Variants in KRT23 observed in about 807,000 individuals in gnomAD.
KRT23 encodes the protein keratin, type I cytoskeletal 23.
KRT23 carries 38 observed loss-of-function variants against 47.6 expected under a neutral mutation model. That is an observed-to-expected ratio of 0.80 (90% CI 0.62 to 1.05). The LOEUF (loss-of-function observed/expected upper bound fraction) is 1.05, where lower values mean the gene tolerates loss of function less well. Ranked by LOEUF, KRT23 falls within the 50% of genes least tolerant of loss-of-function variation. The pLI is 0.00. For missense variants in KRT23, 503 were observed against 529.5 expected, an observed-to-expected ratio of 0.95 and a Z score of 0.49; for synonymous variants, 191 against 199.0, an observed-to-expected ratio of 0.96 and a Z score of 0.34.
intron 3 of KRT23, among the ~76,000 whole-genome samples, chr17:40,931,003 T>C (rs1909626360): frequency 6.9e-6 from 1 of 145,146 alleles, no homozygotes; most frequent in African/African-American, 2.6e-5. Context: ...AATGGCAAGA[T>C]GAGTTTTCCT....
At chr17:40,935,543 C>T (rs866966398) in intron 2 of KRT23, among the ~76,000 whole-genome samples, 4 of 152,082 alleles carry the variant, frequency 2.6e-5, no homozygotes, top group Admixed American at 6.5e-5. Context: ...CTCTCAGATT[C>T]TAAAAATTAT....
Position 40,927,266 on chromosome 17 carries a change from C to T in KRT23, c.921+972G>A, listed in dbSNP as rs75365640. ...ATAAACTCCTTCATTAAAAAATCCT[C>T]AGTGCTAAGGATTGGTGTCAGATAG... On this transcript the variant is annotated intron_variant, in intron 6 of 8. Transcript: ENST00000209718. Among the ~76,000 whole-genome samples, 347 of 152,328 alleles carry T rather than the reference C, an allele frequency of 2.3e-3. 9 individuals carry two copies. In the East Asian group the frequency reaches 0.061, roughly 27 times the overall value.
intron 2 of KRT23, among the ~76,000 whole-genome samples, chr17:40,931,980 T>C (rs1909723338): frequency 6.6e-6 from 1 of 152,236 alleles, no homozygotes; most frequent in Non-Finnish European, 1.5e-5. Flanking sequence ...CAGGTGAACA[T>C]AATTCTTACT....
At chr17:40,935,234 T>C (rs543366097) in intron 2 of KRT23, among the ~76,000 whole-genome samples, 3 of 152,194 alleles carry the variant, frequency 2.0e-5, no homozygotes, top group Admixed American at 1.3e-4. Context: ...TTATCTTGAC[T>C]GGTCCTTCCT....
chr17:40,930,023 G>A lies in KRT23; in HGVS notation c.553C>T (p.Leu185=). ...VEGLRRTLDN[L]TIVTTDLEQE... is the part of the protein sequence containing the mutation. ...TCTAGGTCTGTTGTGACAATGGTCA[G>A]GTTGTCTAAGGTCCTTCGGAGGCCC... is the stretch of plus-strand genomic sequence containing the variant. The change falls in exon 4 of 9, where the codon CTG becomes TTG. Residue 185 remains leucine (L), a synonymous_variant. Coordinates refer to ENST00000209718, the MANE Select transcript of KRT23 (RefSeq NM_015515.5). 1 of 1,614,082 alleles carries A rather than the reference G, an allele frequency of 6.2e-7. No homozygotes were observed. Among genetic ancestry groups the A allele is most frequent in the Non-Finnish European group, 8.5e-7 (1 of 1,179,956 alleles).
intron 6 of KRT23, 112 bp downstream of exon 6, chr17:40,928,126 G>T: frequency 7.5e-7 from 1 of 1,336,914 alleles, no homozygotes. Context: ...ATGGAAAGTG[G>T]AAAGTGAGAG....
chr17:40,931,406 T>C lies in KRT23; in HGVS notation c.446A>G (p.Asn149Ser). 1 of 1,613,786 alleles carries C rather than the reference T, an allele frequency of 6.2e-7. No homozygotes were observed. Among genetic ancestry groups the C allele is most frequent in the Non-Finnish European group, 8.5e-7 (1 of 1,179,626 alleles). ...GAAGTCATCCACTGCCATCCTGGCA[T>C]TGTCAATGAGAAGAATAATCTGAGC... Reference protein sequence around the residue: ...TNAQIILLIDNARMAVDDFNL... With the variant: ...TNAQIILLIDSARMAVDDFNL... Residue 149 changes from asparagine (N) to serine (S), a missense_variant, in exon 3 of 9, where the codon AAT becomes AGT. Physicochemically the swap from Asn to Ser is conservative, Grantham distance 46. Transcript: ENST00000209718.
chr17:40,927,883 A>C (rs896967469), intron 6 of KRT23, among the ~76,000 whole-genome samples: 8 of 152,062 alleles, frequency 5.3e-5, no homozygotes, highest in African/African-American at 9.7e-5. Flanking sequence ...CAAATAAATC[A>C]TATGGTTTCA....
Position 40,930,051 on chromosome 17 carries a change from G to T in KRT23, c.525C>A (p.Val175=). The change falls in exon 4 of 9, where the codon GTC becomes GTA. Residue 175 remains valine (V), a synonymous_variant. Coordinates refer to ENST00000209718, the MANE Select transcript of KRT23 (RefSeq NM_015515.5). ...HSFKKDLEIE[V]EGLRRTLDNL... Reference sequence around the variant, plus strand: ...TGTCTAAGGTCCTTCGGAGGCCCTCGACTTCAATTTCCAAGTCTTTCTTAA... The same window carrying T: ...TGTCTAAGGTCCTTCGGAGGCCCTCTACTTCAATTTCCAAGTCTTTCTTAA... 1.9e-6 allele frequency: 3 copies of T among 1,613,970 alleles called. No individual in the cohort carries two copies. Among genetic ancestry groups the T allele is most frequent in the Non-Finnish European group, 2.5e-6 (3 of 1,179,902 alleles).
chr17:40,928,385 C>T (rs1324311316), intron 5 of KRT23, 25 bp from the exon 6 acceptor site: 52 of 1,614,032 alleles, frequency 3.2e-5, no homozygotes, highest in African/African-American at 4.0e-5. Context: ...AAGGCAAAGG[C>T]GTCAGCATTG....
intron 6 of KRT23, among the ~76,000 whole-genome samples, chr17:40,927,647 T>C (rs1015377401): frequency 1.3e-5 from 2 of 152,190 alleles, no homozygotes; most frequent in Admixed American, 1.3e-4. Flanking sequence ...TTTTCTAAAC[T>C]GTGAAGATGA....
chr17:40,926,500 C>A (rs942364068), intron 6 of KRT23, among the ~76,000 whole-genome samples: 21 of 152,084 alleles, frequency 1.4e-4, no homozygotes, highest in Admixed American at 1.1e-3. Flanking sequence ...CGGGAGAGAC[C>A]GCCCACTGCT....
chr17:40,929,409 A>C (rs142237144), intron 4 of KRT23, among the ~76,000 whole-genome samples: 1 of 152,372 alleles, frequency 6.6e-6, no homozygotes, highest in Non-Finnish European at 1.5e-5. Flanking sequence ...GAGCTCTTTG[A>C]TGTTGAGAAG....
At chr17:40,935,970 T>A (rs1436284439) in intron 2 of KRT23, among the ~76,000 whole-genome samples, 1 of 152,194 alleles carries the variant, frequency 6.6e-6, no homozygotes, top group Non-Finnish European at 1.5e-5. Flanking sequence ...ACTTCTATCA[T>A]TTTTGCTGCC....
chr17:40,928,018 C>T lies in KRT23; in HGVS notation c.921+220G>A, dbSNP rs558481022. 1.3e-4 allele frequency among the ~76,000 whole-genome samples: 20 copies of T among 152,298 alleles called. No homozygotes were observed. In the East Asian group the frequency reaches 3.7e-3, roughly 28 times the overall value. On this transcript the variant is annotated intron_variant, in intron 6 of 8. Transcript: ENST00000209718. ...GGAAGGTTACTGTAAGGATTAATGA[C>T]ATTTAATATCATGAACTACTTAGCA...
chr17:40,930,541 G>A (rs575154429), intron 3 of KRT23, among the ~76,000 whole-genome samples: 20 of 152,138 alleles, frequency 1.3e-4, no homozygotes, highest in Non-Finnish European at 2.4e-4. Context: ...TGAGGCGGGC[G>A]GATCACGAGG....
chr17:40,932,790 A>G (rs1909786902), intron 2 of KRT23, among the ~76,000 whole-genome samples: 1 of 152,190 alleles, frequency 6.6e-6, no homozygotes, highest in Non-Finnish European at 1.5e-5. Flanking sequence ...AGCTCCACTG[A>G]TCCCATGGAA....
At position 40,937,330 on chromosome 17, in the gene KRT23, T is replaced by G. The variant is rs923223694; in HGVS notation, c.-351+16A>C. ...ACCCTCAATTATAGATGTAATTAAT[T>G]AATGAATGACCGAACCTTCCACTTC... On this transcript the variant is annotated intron_variant, in intron 1 of 8. Coordinates refer to ENST00000209718, the MANE Select transcript of KRT23 (RefSeq NM_015515.5). The G allele has an allele frequency of 6.6e-6, 1 of 152,264 alleles. No individual in the cohort carries two copies. Among genetic ancestry groups the G allele is most frequent in the East Asian group, 1.9e-4 (1 of 5,200 alleles). The allele number at this position is 152,264 out of a possible 1,614,324, so 9.4% of individuals were successfully genotyped here.
At chr17:40,932,459 G>A (rs1406959068) in intron 2 of KRT23, among the ~76,000 whole-genome samples, 4 of 152,072 alleles carry the variant, frequency 2.6e-5, no homozygotes, top group East Asian at 1.9e-4. Context: ...ATGCTTTTAC[G>A]CCAAGTGTTG....
Sources: allele counts gnomAD v4.1 joint callset (sites outside exome capture counted in the v4.1 genomes callset), GRCh38; gene constraint gnomAD v4.1.1; transcripts MANE v1.5; gene names NCBI Gene and HGNC (gene_info 2026-07-23, HGNC 2026-07-21).